NINL: variants seen among roughly 807,000 people sequenced by gnomAD.
NINL encodes ninein like, also known as ninein-like protein.
Under a neutral mutation model 160.3 loss-of-function variants are expected in NINL, and 153 were observed. The ratio of observed to expected loss-of-function variants is 0.95; its 90% CI spans 0.84 to 1.09. The LOEUF (loss-of-function observed/expected upper bound fraction) is 1.09, where lower values mean the gene tolerates loss of function less well. Among genes scored for constraint, NINL ranks in the 50% least tolerant of loss-of-function variants. The pLI is 0.00. For missense variants in NINL, 1,829 were observed against 1,764.0 expected (o/e 1.04, Z -0.66); for synonymous variants, 800 against 734.8 (o/e 1.09, Z -1.43).
chr20:25,505,042 C>A lies in NINL; in HGVS notation c.554G>T (p.Ser185Ile). 1.2e-6 allele frequency: 2 copies of A among 1,606,624 alleles called. No homozygotes were observed. The highest frequency in any genetic ancestry group is 2.2e-5 in the South Asian group (2 of 90,010). ...GGAGGGGCTGCAGGACTTCTGGGGG[C>A]TCCCAAAGTCCTCAGAATCCCAGGT... ...LQTWDSEDFG[S>I]PQKSCSPSFD... Residue 185 changes from serine to isoleucine, a missense_variant, in exon 6 of 24, where the codon AGC becomes ATC. Coordinates refer to ENST00000278886, the MANE Select transcript of NINL (RefSeq NM_025176.6).
At chr20:25,479,538 G>C (rs762696515) in intron 15 of NINL, among the ~76,000 whole-genome samples, 1 of 152,190 alleles carries the variant, frequency 6.6e-6, no homozygotes. Flanking sequence ...TCTGAACAGC[G>C]TGGAGGCCCT....
intron 1 of NINL, among the ~76,000 whole-genome samples, chr20:25,585,117 C>T (rs962302128): frequency 4.6e-5 from 7 of 152,116 alleles, no homozygotes; most frequent in Non-Finnish European, 8.8e-5. Context: ...CGGCCAAGGC[C>T]GCCCGCCTCA....
chr20:25,571,316 C>T (rs2065052530), intron 1 of NINL, among the ~76,000 whole-genome samples: 1 of 152,234 alleles, frequency 6.6e-6, no homozygotes, highest in Non-Finnish European at 1.5e-5. Flanking sequence ...GTTTCCCTCC[C>T]TGTCTCACCA....
At chr20:25,459,318 G>T (rs2090775952) in intron 21 of NINL, among the ~76,000 whole-genome samples, 1 of 152,104 alleles carries the variant, frequency 6.6e-6, no homozygotes, top group Non-Finnish European at 1.5e-5. Flanking sequence ...CTTCCCTTCA[G>T]TAGTCCCTGC....
chr20:25,495,521 C>T (rs1013724840), intron 10 of NINL, among the ~76,000 whole-genome samples: 1 of 152,194 alleles, frequency 6.6e-6, no homozygotes, highest in African/African-American at 2.4e-5. Context: ...GACAACAGGG[C>T]CAGGACTGCA....
At chr20:25,529,522 A>C (rs2064417503) in intron 1 of NINL, among the ~76,000 whole-genome samples, 1 of 152,188 alleles carries the variant, frequency 6.6e-6, no homozygotes, top group Admixed American at 6.5e-5. Context: ...GAGTAGACAG[A>C]GGTTCAGACA....
intron 1 of NINL, among the ~76,000 whole-genome samples, chr20:25,554,201 G>T (rs993950090): frequency 6.6e-6 from 1 of 152,202 alleles, no homozygotes; most frequent in East Asian, 1.9e-4. Context: ...GCCACACAGC[G>T]GGAGGGCTGC....
intron 1 of NINL, among the ~76,000 whole-genome samples, chr20:25,576,799 TCTTA>T (rs1273438708): frequency 1.3e-5 from 2 of 152,062 alleles, no homozygotes; most frequent in Non-Finnish European, 2.9e-5. Context: ...ATGATAAGAG[TCTTA>T]CTTTATGTGC....
rs1379938429 is a variant in NINL, at chr20:25,566,986, A to C, written c.-12+18469T>G. Among the ~76,000 whole-genome samples the C allele has an allele frequency of 3.9e-5, 6 of 152,152 alleles. No homozygotes were observed. The East Asian group carries it at 1.2e-3, about 29-fold the overall frequency. On this transcript the variant is annotated intron_variant, in intron 1 of 23. Coordinates refer to ENST00000278886, the MANE Select transcript of NINL (RefSeq NM_025176.6). ...CTGGGCAACACAGTGAGACAAAAAA[A>C]AATCTAAAAATTAGCCAGGCATGGT...
chr20:25,559,001 G>T (rs6115208), intron 1 of NINL, among the ~76,000 whole-genome samples: 17,100 of 152,240 alleles, frequency 0.11, 1,058 homozygotes, highest in African/African-American at 0.15. Flanking sequence ...ATATTCTCCA[G>T]CGTTTCACAT....
At chr20:25,462,798 G>T in intron 19 of NINL, 1 of 352,234 alleles carries the variant, frequency 2.8e-6, no homozygotes, top group Non-Finnish European at 5.2e-6. Flanking sequence ...GGGACCACAG[G>T]CACACGTCAC....
chr20:25,505,083 A>C lies in NINL; in HGVS notation c.518-5T>G. ...AATCCCAGGTCTGCAGCTGTCCTGA[A>C]GCAAGGGAGGAGTCACAGTTACACC... On this transcript the variant is annotated splice_polypyrimidine_tract_variant and splice_region_variant and intron_variant, in intron 5 of 23. Transcript: ENST00000278886. 1 of 1,571,034 alleles carries C rather than the reference A, an allele frequency of 6.4e-7. No homozygotes were observed. Among genetic ancestry groups the C allele is most frequent in the South Asian group, 1.2e-5 (1 of 83,624 alleles).
At chr20:25,469,283 T>C (rs1216926447) in intron 18 of NINL, among the ~76,000 whole-genome samples, 7 of 111,948 alleles carry the variant, frequency 6.3e-5, no homozygotes, top group Admixed American at 1.0e-4. Flanking sequence ...CAACTCTCAC[T>C]GGTGGGCGCC....
chr20:25,581,388 G>C (rs567301920), intron 1 of NINL, among the ~76,000 whole-genome samples: 8 of 151,552 alleles, frequency 5.3e-5, no homozygotes, highest in Admixed American at 2.6e-4. Context: ...ATTGCAGTGA[G>C]CCAAGATTGT....
chr20:25,479,139 T>C lies in NINL; in HGVS notation c.1985A>G (p.Glu662Gly), dbSNP rs1284866034. The change falls in exon 16 of 24, where the codon GAG becomes GGG. Residue 662 changes from glutamate (E) to glycine (G), a missense_variant. Physicochemically the swap from Glu to Gly is moderately conservative, Grantham distance 98. Coordinates refer to ENST00000278886, the MANE Select transcript of NINL (RefSeq NM_025176.6). ...GCTGACCTCGCGCCTGCGAGCCTGC[T>C]CCATGTCCTTCCTCTCCTTCTCAAA... ...RNFEKERKDM[E>G]QARRREVSVL... 2 of 1,613,928 alleles carry C rather than the reference T, an allele frequency of 1.2e-6. No individual in the cohort carries two copies. The highest frequency in any genetic ancestry group is 1.7e-5 in the Admixed American group (1 of 59,982).
rs1369603164 is a variant in NINL, at chr20:25,469,974, A to T, written c.3353+17T>A. On this transcript the variant is annotated intron_variant, in intron 18 of 23. Transcript: ENST00000278886. ...AAACGCACCCCCAGAAGGTCTGGGT[A>T]GGGGCGTGGCCCTTACCTCTGTGCA... is the stretch of plus-strand genomic sequence containing the variant. 1.9e-6 allele frequency: 3 copies of T among 1,594,716 alleles called. No homozygotes were observed. The highest frequency in any genetic ancestry group is 2.6e-6 in the Non-Finnish European group (3 of 1,162,430).
intron 1 of NINL, among the ~76,000 whole-genome samples, chr20:25,561,558 G>T (rs2064937854): frequency 1.3e-5 from 2 of 151,436 alleles, no homozygotes; most frequent in African/African-American, 2.4e-5. Flanking sequence ...AAGCGTCTCT[G>T]CCCGGCCGCC....
intron 22 of NINL, 77 bp downstream of exon 22, chr20:25,458,306 G>A: frequency 6.4e-7 from 1 of 1,560,214 alleles, no homozygotes; most frequent in South Asian, 1.1e-5. Flanking sequence ...TGCAGCTTCT[G>A]GGTAACTGAG....
chr20:25,476,587 G>C lies in NINL; in HGVS notation c.2704C>G (p.Pro902Ala), dbSNP rs755774955. ...TGCATGCGTGACCACCTCTCTGAGG[G>C]GCCGTGGGATGCCGGGGCAGGGGCG... is the stretch of plus-strand genomic sequence containing the variant. Reference protein sequence around the residue: ...APAPAPASHGPSERWSRMQPC... With the variant: ...APAPAPASHGASERWSRMQPC... The change falls in exon 17 of 24, where the codon CCC becomes GCC. Residue 902 changes from proline to alanine, a missense_variant. Physicochemically the swap from Pro to Ala is conservative, Grantham distance 27. Transcript: ENST00000278886. The C allele has an allele frequency of 4.3e-5, 69 of 1,598,946 alleles. No individual in the cohort carries two copies. Among genetic ancestry groups the C allele is most frequent in the Non-Finnish European group, 5.5e-5 (65 of 1,179,610 alleles).
Sources: gnomAD v4.1 joint callset for allele counts (sites outside exome capture counted in the v4.1 genomes callset) on GRCh38, gnomAD v4.1.1 for gene constraint, MANE v1.5 for transcripts, NCBI Gene and HGNC (gene_info 2026-07-23, HGNC 2026-07-21) for gene names.